STXBP6: variants seen among roughly 807,000 people sequenced by gnomAD.
STXBP6 encodes syntaxin-binding protein 6.
In STXBP6, 21 loss-of-function variants were observed where a neutral mutation model predicts 26.9. The observed-to-expected ratio is 0.78, with a 90% CI of 0.55 to 1.12. The LOEUF (loss-of-function observed/expected upper bound fraction) is 1.12, where lower values mean the gene tolerates loss of function less well. Among genes scored for constraint, STXBP6 ranks in the 50% most tolerant of loss-of-function variants. The pLI is 0.00. For synonymous variants in STXBP6, 97 were observed against 92.6 expected (o/e 1.05, Z -0.27); for missense variants, 232 against 257.9 (o/e 0.90, Z 0.69).
intron 4 of STXBP6, among the ~76,000 whole-genome samples, chr14:24,834,948 G>T (rs569554689): frequency 6.6e-6 from 1 of 152,114 alleles, no homozygotes; most frequent in East Asian, 1.9e-4. Context: ...ACACATGAAG[G>T]GTTTGGCAGA....
At chr14:24,961,436 T>C (rs2073532742) in intron 2 of STXBP6, among the ~76,000 whole-genome samples, 1 of 146,236 alleles carries the variant, frequency 6.8e-6, no homozygotes, top group Non-Finnish European at 1.5e-5. Context: ...TAGGAACAGA[T>C]TTCAGAACTA....
intron 2 of STXBP6, among the ~76,000 whole-genome samples, chr14:24,898,397 G>T (rs923959801): frequency 6.6e-6 from 1 of 152,180 alleles, no homozygotes; most frequent in Non-Finnish European, 1.5e-5. Context: ...GGGAAGGGAT[G>T]GCTGGGTGCG....
chr14:25,049,090 T>C lies in STXBP6; in HGVS notation c.-33+788A>G, dbSNP rs1595370433. The C allele has an allele frequency of 3.2e-6, 3 of 929,968 alleles. No individual in the cohort carries two copies. Among genetic ancestry groups the C allele is most frequent in the African/African-American group, 3.6e-5 (2 of 56,164 alleles). The allele number at this position is 929,968 out of a possible 1,614,324, so 57.6% of individuals were successfully genotyped here. On this transcript the variant is annotated intron_variant, in intron 1 of 5. Transcript: ENST00000323944. The surrounding 1 kb of genome is among the most constrained non-coding windows in gnomAD (Gnocchi z 5.6). ...ACTTTCTCCTAAAGAACAAGATGTC[T>C]TTCCAAATTCTCCACCTGCAGGTCC...
chr14:24,987,037 G>C (rs2074350008), intron 1 of STXBP6, among the ~76,000 whole-genome samples: 2 of 151,936 alleles, frequency 1.3e-5, no homozygotes, highest in Admixed American at 1.3e-4. Context: ...ACTAACTTCT[G>C]ACCTAACTAG....
intron 2 of STXBP6, among the ~76,000 whole-genome samples, chr14:24,923,887 G>A (rs117823069): frequency 1.5e-4 from 23 of 152,210 alleles, no homozygotes; most frequent in Non-Finnish European, 3.2e-4. Context: ...TGCTTATGGT[G>A]TTTTAGTGTC....
At chr14:24,835,782 T>C (rs920825542) in intron 4 of STXBP6, among the ~76,000 whole-genome samples, 3 of 152,206 alleles carry the variant, frequency 2.0e-5, no homozygotes, top group Admixed American at 1.3e-4. Context: ...TTTGGACTTG[T>C]AACCATAGCT....
chr14:24,971,072 T>C (rs551497050), intron 2 of STXBP6, among the ~76,000 whole-genome samples: 50 of 152,334 alleles, frequency 3.3e-4, no homozygotes, highest in African/African-American at 1.0e-3. Flanking sequence ...TTTCTCCTTA[T>C]AGAATTAAAC....
At chr14:24,951,371 TC>T (rs910802710) in intron 2 of STXBP6, among the ~76,000 whole-genome samples, 19 of 97,166 alleles carry the variant, frequency 2.0e-4, no homozygotes, top group African/African-American at 7.5e-4. Context: ...GTAAAAGCGT[TC>T]CTATTTCTCC....
intron 2 of STXBP6, among the ~76,000 whole-genome samples, chr14:24,917,638 A>G (rs967930724): frequency 1.3e-5 from 2 of 152,168 alleles, no homozygotes; most frequent in Non-Finnish European, 2.9e-5. Context: ...GTAAGGGCTA[A>G]AACTTCAAAA....
chr14:24,858,294 G>A (rs1023815710), intron 2 of STXBP6, among the ~76,000 whole-genome samples: 3 of 151,952 alleles, frequency 2.0e-5, no homozygotes, highest in East Asian at 3.9e-4. Flanking sequence ...TCATTGTCGG[G>A]GGCCATTAAA....
intron 2 of STXBP6, among the ~76,000 whole-genome samples, chr14:24,933,250 G>A (rs2072484236): frequency 6.6e-6 from 1 of 152,194 alleles, no homozygotes; most frequent in South Asian, 2.1e-4. Flanking sequence ...GCTGAGGTGG[G>A]AGGATCCCCT....
chr14:25,025,232 A>C (rs1173282350), intron 1 of STXBP6, among the ~76,000 whole-genome samples: 1 of 152,122 alleles, frequency 6.6e-6, no homozygotes, highest in Non-Finnish European at 1.5e-5. Context: ...CTTAGAGCAG[A>C]GTTTTAAACA....
At position 24,926,714 on chromosome 14, in the gene STXBP6, G is replaced by A. The variant is rs538865589; in HGVS notation, c.154+47951C>T. ...AGCATTACGGTTAAGAGCAGCCTCT[G>A]AATCAGGCTGTGCAGTTCATATCCC... On this transcript the variant is annotated intron_variant, in intron 2 of 5. Transcript: ENST00000323944. Among the ~76,000 whole-genome samples the A allele has an allele frequency of 4.6e-5, 7 of 152,242 alleles. No individual in the cohort carries two copies. In the East Asian group the frequency reaches 9.7e-4, roughly 21 times the overall value.
intron 1 of STXBP6, among the ~76,000 whole-genome samples, chr14:24,982,844 T>A (rs1038104440): frequency 6.6e-6 from 1 of 152,236 alleles, no homozygotes; most frequent in Non-Finnish European, 1.5e-5. Context: ...TACCTTTTAA[T>A]CTTGTCAATT....
intron 2 of STXBP6, among the ~76,000 whole-genome samples, chr14:24,916,983 A>G (rs2071791475): frequency 6.6e-6 from 1 of 152,112 alleles, no homozygotes; most frequent in Non-Finnish European, 1.5e-5. Flanking sequence ...TCCCAGGGTC[A>G]GCCTGCCATG....
intron 2 of STXBP6, among the ~76,000 whole-genome samples, chr14:24,879,267 C>A (rs2070263737): frequency 6.6e-6 from 1 of 152,110 alleles, no homozygotes; most frequent in Admixed American, 6.5e-5. Flanking sequence ...TCCTCTACAG[C>A]CCAACATTTA....
intron 2 of STXBP6, among the ~76,000 whole-genome samples, chr14:24,892,316 C>T (rs2070820109): frequency 6.6e-6 from 1 of 151,898 alleles, no homozygotes; most frequent in African/African-American, 2.4e-5. Flanking sequence ...GAAAAATATT[C>T]TAGGTGCAAA....
At chr14:25,044,170 C>CAAAAA (rs768658907) in intron 1 of STXBP6, among the ~76,000 whole-genome samples, 6,547 of 53,282 alleles carry the variant, frequency 0.12, 433 homozygotes, top group Non-Finnish European at 0.14. Context: ...GACTCTGCCT[C>CAAAAA]AAAAAAAAAA....
intron 1 of STXBP6, among the ~76,000 whole-genome samples, chr14:25,037,674 G>A (rs1404932129): frequency 1.3e-5 from 2 of 152,138 alleles, no homozygotes; most frequent in Non-Finnish European, 1.5e-5. Flanking sequence ...CACTGTACAT[G>A]CTCAAAGGTC....
Sources: allele counts gnomAD v4.1 joint callset (sites outside exome capture counted in the v4.1 genomes callset), GRCh38; gene constraint gnomAD v4.1.1; non-coding constraint Gnocchi (gnomAD v3.1); transcripts MANE v1.5; gene names NCBI Gene and HGNC (gene_info 2026-07-23, HGNC 2026-07-21).